Variants in GGT1 observed in about 807,000 individuals in gnomAD.
GGT1 encodes the protein glutathione hydrolase 1 proenzyme.
In GGT1, 21 loss-of-function variants were observed where a neutral mutation model predicts 56.0. The observed-to-expected ratio is 0.38, with a 90% CI of 0.27 to 0.54. GGT1 has a LOEUF of 0.54. Ranked by LOEUF, GGT1 falls within the 20% of genes least tolerant of loss-of-function variation. The pLI is 0.82. For missense variants in GGT1, 466 were observed against 787.0 expected (o/e 0.59, Z 4.88); for synonymous variants, 238 against 342.6 (o/e 0.69, Z 3.37).
chr22:24,589,911 G>A (rs548780747), upstream of GGT1: 3 of 1,612,206 alleles, frequency 1.9e-6, no homozygotes, highest in Admixed American at 5.0e-5. Context: ...CATCTCTGTA[G>A]AGGATATCAG....
intron 5 of GGT1, among the ~76,000 whole-genome samples, chr22:24,613,557 C>T (rs1387593249): frequency 2.0e-5 from 3 of 149,722 alleles, no homozygotes; most frequent in Admixed American, 1.3e-4. Context: ...CGAGACCAGC[C>T]TGGCCAACAT....
At chr22:24,586,019 G>A in the GGT1 span, 1 of 1,611,094 alleles carries the variant, frequency 6.2e-7, no homozygotes, top group Non-Finnish European at 8.5e-7. Context: ...GGTGGGGAGT[G>A]AGGTGCGCTG....
At chr22:24,597,595 C>T (rs1321206859) in intron 1 of GGT1, among the ~76,000 whole-genome samples, 3 of 152,088 alleles carry the variant, frequency 2.0e-5, no homozygotes, top group Admixed American at 2.0e-4. Flanking sequence ...GCAGGAGAAT[C>T]GCTTGAACCT....
At position 24,626,746 on chromosome 22, in the gene GGT1, C is replaced by A. The variant is rs182069429; in HGVS notation, c.1021-686C>A. ...CAGAGGGATCCTGTGAAAACACTCC[C>A]CAGCCTGCTCATTCCTCTGCCCTAA... On this transcript the variant is annotated intron_variant, in intron 11 of 15. Coordinates refer to ENST00000400382, the MANE Select transcript of GGT1 (RefSeq NM_001288833.2). Among the ~76,000 whole-genome samples, 1,272 of 151,170 alleles carry A rather than the reference C, an allele frequency of 8.4e-3. 19 individuals are homozygous for A. The highest frequency in any genetic ancestry group is 0.013 in the Non-Finnish European group (865 of 67,844).
chr22:24,623,180 G>A lies in GGT1; in HGVS notation c.807G>A (p.Leu269=). The A allele has an allele frequency of 1.3e-6, 2 of 1,593,558 alleles. No individual in the cohort carries two copies. Among genetic ancestry groups the A allele is most frequent in the South Asian group, 1.1e-5 (1 of 90,052 alleles). Residue 269 remains leucine (L), a synonymous_variant, in exon 10 of 16, where the codon CTG becomes CTA. Transcript: ENST00000400382. ...ELIEHPLNIS[L]GDVVLYMPSA... is the part of the protein sequence containing the mutation. ...TCGAGCACCCGCTGAACATCAGCCT[G>A]GGAGACGTGGTGCTGTACATGCCCA...
In GGT1 at chr22:24,620,323, C is replaced by A; in HGVS notation, c.383-5C>A. ...GGGTCACTAACTATGGCTCTCTCTCCCCAGGGGGGCTGTCGGTGGCGGTGC... is the reference window on the plus strand; with the variant it reads ...GGGTCACTAACTATGGCTCTCTCTCACCAGGGGGGCTGTCGGTGGCGGTGC... On this transcript the variant is annotated splice_region_variant and splice_polypyrimidine_tract_variant and intron_variant, in intron 7 of 15. Transcript: ENST00000400382. The surrounding 1 kb of genome is among the most constrained non-coding windows in gnomAD (Gnocchi z 5.6). 6.2e-7 allele frequency: 1 copy of A among 1,611,600 alleles called. No homozygotes were observed. The highest frequency in any genetic ancestry group is 8.5e-7 in the Non-Finnish European group (1 of 1,179,734).
At chr22:24,600,921 A>C (rs2045770712), upstream of GGT1, among the ~76,000 whole-genome samples, 1 of 152,216 alleles carries the variant, frequency 6.6e-6, no homozygotes, top group Non-Finnish European at 1.5e-5. Context: ...CTATCTTTGG[A>C]GGTAGTGAGC....
At chr22:24,586,397 A>C in the GGT1 span, 1 of 1,612,532 alleles carries the variant, frequency 6.2e-7, no homozygotes, top group Non-Finnish European at 8.5e-7. Flanking sequence ...AGTCTTCTGG[A>C]GGCTGCTCTT....
At chr22:24,592,311 A>G (rs1273985500), upstream of GGT1, 11 of 468,696 alleles carry the variant, frequency 2.3e-5, no homozygotes. Context: ...CGCCTGTTGG[A>G]GAACTGGTGA....
At chr22:24,622,399 T>C (rs753685852) in intron 9 of GGT1, among the ~76,000 whole-genome samples, 2 of 151,842 alleles carry the variant, frequency 1.3e-5, no homozygotes, top group South Asian at 4.2e-4. Flanking sequence ...CTGTCTCTAC[T>C]AAAAATACAA....
At chr22:24,599,869 G>C (rs1353226359), upstream of GGT1, among the ~76,000 whole-genome samples, 1 of 152,248 alleles carries the variant, frequency 6.6e-6, no homozygotes, top group African/African-American at 2.4e-5. Context: ...GTGCTGCGCA[G>C]TTTTGGCATC....
chr22:24,620,593 C>T lies in GGT1; in HGVS notation c.575+73C>T. 3.7e-6 allele frequency: 6 copies of T among 1,607,436 alleles called. No individual in the cohort carries two copies. The highest frequency in any genetic ancestry group is 4.2e-6 in the Non-Finnish European group (5 of 1,177,400). On this transcript the variant is annotated intron_variant, in intron 8 of 15. Coordinates refer to ENST00000400382, the MANE Select transcript of GGT1 (RefSeq NM_001288833.2). This position sits in a 1 kb window ranked among gnomAD's most constrained non-coding sequence, Gnocchi z 5.6. ...CCAAGGACCTTGCAGGCCGTAGCAG[C>T]AGTGGAGCAGCCCTCTGCCTTCAGG...
At chr22:24,616,554 CTTTTTTTTTTTTT>C (rs113675142) in intron 7 of GGT1, among the ~76,000 whole-genome samples, 1 of 131,994 alleles carries the variant, frequency 7.6e-6, no homozygotes, top group African/African-American at 2.8e-5. Context: ...TTTTTTTTTT[CTTTTTTTTTTTTT>C]TGTCACCCAG....
the GGT1 span, chr22:24,585,774 G>T: frequency 1.8e-6 from 2 of 1,119,640 alleles, no homozygotes; most frequent in Non-Finnish European, 2.5e-6. Flanking sequence ...CTCAGGCTGA[G>T]CATTTACACT....
the GGT1 span, chr22:24,588,679 C>T: frequency 9.0e-7 from 1 of 1,107,714 alleles, no homozygotes; most frequent in Non-Finnish European, 1.1e-6. Context: ...GGGGACTTGC[C>T]ACAGGGGGAG....
chr22:24,620,218 C>T lies in GGT1; in HGVS notation c.383-110C>T. 2 of 1,323,356 alleles carry T rather than the reference C, an allele frequency of 1.5e-6. No individual in the cohort carries two copies. Among genetic ancestry groups the T allele is most frequent in the Middle Eastern group, 5.5e-4 (2 of 3,642 alleles). The allele number at this position is 1,323,356 out of a possible 1,614,324, so 82.0% of individuals were successfully genotyped here. A position where few individuals can be genotyped will look rare whatever the true frequency, so the allele number is the denominator to read the frequency against. ...AAAAAAAAAAATCTTTCCTCCTAAG[C>T]CTCATTGCCCCATCTGTAAAATGAG... On this transcript the variant is annotated intron_variant, in intron 7 of 15. Transcript: ENST00000400382. The surrounding 1 kb of genome is among the most constrained non-coding windows in gnomAD (Gnocchi z 5.6).
At chr22:24,612,762 G>A (rs538560004) in intron 5 of GGT1, among the ~76,000 whole-genome samples, 6 of 152,084 alleles carry the variant, frequency 3.9e-5, no homozygotes, top group Non-Finnish European at 7.3e-5. Context: ...CCTGACCTCA[G>A]GTGATCCGCC....
the GGT1 span, chr22:24,588,119 T>C: frequency 1.0e-6 from 1 of 990,846 alleles, no homozygotes; most frequent in South Asian, 1.4e-5. Context: ...CCAGGTGGGA[T>C]TTCAGCACCA....
At chr22:24,589,327 G>A in the GGT1 span, 13 of 1,169,964 alleles carry the variant, frequency 1.1e-5, no homozygotes, top group African/African-American at 2.0e-4. Context: ...CCTTGCTTAT[G>A]ACCCCAGCTG....
Sources: allele counts gnomAD v4.1 joint callset (sites outside exome capture counted in the v4.1 genomes callset), GRCh38; gene constraint gnomAD v4.1.1; non-coding constraint Gnocchi (gnomAD v3.1); transcripts MANE v1.5; gene names NCBI Gene and HGNC (gene_info 2026-07-23, HGNC 2026-07-21).